ZNF331: variants seen among roughly 807,000 people sequenced by gnomAD.
ZNF331 encodes the protein zinc finger protein 331.
In ZNF331, 2 loss-of-function variants were observed where a neutral mutation model predicts 7.0. The observed-to-expected ratio is 0.29, with a 90% CI of 0.12 to 0.90. The LOEUF (loss-of-function observed/expected upper bound fraction) is 0.90, where lower values mean the gene tolerates loss of function less well. Among genes scored for constraint, ZNF331 ranks in the 40% least tolerant of loss-of-function variants. The pLI is 0.58. For synonymous variants in ZNF331, 196 were observed against 205.4 expected (o/e 0.95, Z 0.39); for missense variants, 432 against 587.7 (o/e 0.74, Z 2.74).
chr19:53,529,537 C>A (rs1387312852), intron 2 of ZNF331, among the ~76,000 whole-genome samples: 1 of 152,174 alleles, frequency 6.6e-6, no homozygotes, highest in African/African-American at 2.4e-5. Flanking sequence ...TAAACAGGAT[C>A]TCTCTCGCTG....
At chr19:53,522,784 C>T (rs1426175417) in intron 2 of ZNF331, 2 of 152,234 alleles carry the variant, frequency 1.3e-5, no homozygotes, top group African/African-American at 4.8e-5. Context: ...ATTTATCCCA[C>T]TAATTCCTCC....
chr19:53,577,902 T>G lies in ZNF331; in HGVS notation c.1342T>G (p.Cys448Gly), dbSNP rs772573398. 1 of 1,613,756 alleles carries G rather than the reference T, an allele frequency of 6.2e-7. No individual in the cohort carries two copies. The highest frequency in any genetic ancestry group is 8.5e-7 in the Non-Finnish European group (1 of 1,180,008). Reference sequence around the variant, plus strand: ...CGAATGTAAGGAGTGCGGGAAGGCATGTAACCACCTAAACCATCTCCGAGA... The same window carrying G: ...CGAATGTAAGGAGTGCGGGAAGGCAGGTAACCACCTAAACCATCTCCGAGA... ...SYECKECGKACNHLNHLREHQ... is the reference protein window; with the variant it reads ...SYECKECGKAGNHLNHLREHQ... The change falls in exon 6 of 6, where the codon TGT becomes GGT. Residue 448 changes from cysteine to glycine, a missense_variant. Around this residue, in one of 3 missense-constraint regions of ZNF331, gnomAD observed 312 missense variants for 448.6 expected, o/e 0.70. Transcript: ENST00000449416.
chr19:53,577,525 C>A lies in ZNF331; in HGVS notation c.965C>A (p.Thr322Asn). The change falls in exon 6 of 6, where the codon ACC becomes AAC. Residue 322 changes from threonine (T) to asparagine (N), a missense_variant. Around this residue, in one of 3 missense-constraint regions of ZNF331, gnomAD observed 312 missense variants for 448.6 expected, o/e 0.70. Coordinates refer to ENST00000449416, the MANE Select transcript of ZNF331 (RefSeq NM_001079906.2). ...CTTACTCAGCATCAGAAGATCCACA[C>A]CGGTGAGAAGCCTCACGAATGTAAG... ...NYLTQHQKIH[T>N]GEKPHECKEC... The A allele has an allele frequency of 6.2e-7, 1 of 1,612,850 alleles. No individual in the cohort carries two copies. The highest frequency in any genetic ancestry group is 8.5e-7 in the Non-Finnish European group (1 of 1,179,008).
At chr19:53,547,150 C>T (rs75112431) in intron 2 of ZNF331, among the ~76,000 whole-genome samples, 6,051 of 152,226 alleles carry the variant, frequency 0.04, 214 homozygotes, top group South Asian at 0.15. Context: ...CCATGCTAGA[C>T]AATAAATCTC....
At chr19:53,507,567 C>T in the ZNF331 span, among the ~76,000 whole-genome samples, 1 of 152,126 alleles carries the variant, frequency 6.6e-6, no homozygotes, top group Non-Finnish European at 1.5e-5. Flanking sequence ...CCAAATTTAC[C>T]ATGTAACCCC....
upstream of ZNF331, among the ~76,000 whole-genome samples, chr19:53,536,693 A>T (rs1033199557): frequency 2.6e-5 from 4 of 152,188 alleles, no homozygotes; most frequent in African/African-American, 4.8e-5. Flanking sequence ...TGAGGTCGGG[A>T]GTTCGAGTCC....
intron 3 of ZNF331, among the ~76,000 whole-genome samples, chr19:53,564,987 A>C (rs2090086488): frequency 6.6e-6 from 1 of 152,200 alleles, no homozygotes; most frequent in Non-Finnish European, 1.5e-5. Context: ...ATATACTACT[A>C]TAGCTATTTC....
chr19:53,561,647 G>A (rs2089892577), intron 3 of ZNF331, among the ~76,000 whole-genome samples: 1 of 152,174 alleles, frequency 6.6e-6, no homozygotes, highest in Non-Finnish European at 1.5e-5. Flanking sequence ...GAGGCCAGGA[G>A]TTTGAGACCA....
rs770491292 is a variant in ZNF331, at chr19:53,577,088, A to G, written c.528A>G (p.Gln176=). Reference sequence around the variant, plus strand: ...TCCGTTGGGGCAATCAGCTTACTCAACATCAAAAAATTCATACTGGGGAGA... The same window carrying G: ...TCCGTTGGGGCAATCAGCTTACTCAGCATCAAAAAATTCATACTGGGGAGA... ...KAFRWGNQLT[Q]HQKIHTGEKP... The change falls in exon 6 of 6, where the codon CAA becomes CAG. Residue 176 remains glutamine (Q), a synonymous_variant. Coordinates refer to ENST00000449416, the MANE Select transcript of ZNF331 (RefSeq NM_001079906.2). 3 of 1,614,216 alleles carry G rather than the reference A, an allele frequency of 1.9e-6. No individual in the cohort carries two copies. The highest frequency in any genetic ancestry group is 2.5e-6 in the Non-Finnish European group (3 of 1,180,036).
At chr19:53,507,651 G>A in the ZNF331 span, among the ~76,000 whole-genome samples, 6 of 152,132 alleles carry the variant, frequency 3.9e-5, no homozygotes, top group African/African-American at 1.4e-4. Flanking sequence ...GAGGCTGTTC[G>A]GGCTCAGTGC....
chr19:53,568,365 G>A (rs2090266078), intron 3 of ZNF331, among the ~76,000 whole-genome samples: 1 of 152,126 alleles, frequency 6.6e-6, no homozygotes, highest in African/African-American at 2.4e-5. Context: ...TGTGACAACA[G>A]GCACCAACTA....
chr19:53,525,073 G>A (rs960249824), intron 2 of ZNF331, among the ~76,000 whole-genome samples: 2 of 152,172 alleles, frequency 1.3e-5, no homozygotes, highest in Admixed American at 6.5e-5. Context: ...TCAGATGGTT[G>A]TAGATGTGTG....
intron 2 of ZNF331, among the ~76,000 whole-genome samples, chr19:53,542,569 C>G (rs4803144): frequency 0.089 from 13,496 of 152,132 alleles, 759 homozygotes; most frequent in African/African-American, 0.16. Flanking sequence ...CAGCCTCTTG[C>G]TAATGTTCTC....
At chr19:53,541,831 T>TC (rs1257808024) in intron 2 of ZNF331, among the ~76,000 whole-genome samples, 1 of 151,994 alleles carries the variant, frequency 6.6e-6, no homozygotes, top group African/African-American at 2.4e-5. Flanking sequence ...ACAGTGAGAC[T>TC]CCATCTCTAC....
rs2090437442 is a variant in ZNF331, at chr19:53,571,381, T to C, written c.10-223T>C. On this transcript the variant is annotated intron_variant, in intron 4 of 5. Transcript: ENST00000449416. The surrounding 1 kb of genome is among the most constrained non-coding windows in gnomAD (Gnocchi z 4.7). ...GGCAGGTTTGACTAACTGAGGATTC[T>C]GCACAGTAAAGTCATTTTCTCTGCA... 2.6e-5 allele frequency among the ~76,000 whole-genome samples: 4 copies of C among 152,204 alleles called. No homozygotes were observed. Among genetic ancestry groups the C allele is most frequent in the African/African-American group, 7.2e-5 (3 of 41,464 alleles).
intron 3 of ZNF331, among the ~76,000 whole-genome samples, chr19:53,568,517 C>A (rs973498435): frequency 6.6e-6 from 1 of 152,106 alleles, no homozygotes; most frequent in Non-Finnish European, 1.5e-5. Context: ...ACTGCGTGAC[C>A]AAAAGCTCCT....
At chr19:53,546,976 G>A (rs1245169891) in intron 2 of ZNF331, among the ~76,000 whole-genome samples, 3 of 152,064 alleles carry the variant, frequency 2.0e-5, no homozygotes, top group Non-Finnish European at 4.4e-5. Context: ...ATGGCAATTT[G>A]TGTATGTTTA....
intron 2 of ZNF331, among the ~76,000 whole-genome samples, chr19:53,523,106 A>G (rs1224478470): frequency 1.3e-5 from 2 of 151,362 alleles, no homozygotes; most frequent in Non-Finnish European, 2.9e-5. Context: ...ATATATATGT[A>G]TACATTATGA....
intron 2 of ZNF331, among the ~76,000 whole-genome samples, chr19:53,523,100 A>G (rs967373459): frequency 6.6e-6 from 1 of 152,082 alleles, no homozygotes; most frequent in Non-Finnish European, 1.5e-5. Context: ...GTTTTTATAT[A>G]TATGTATACA....
Sources: gnomAD v4.1 joint callset for allele counts (sites outside exome capture counted in the v4.1 genomes callset) on GRCh38, gnomAD v4.1.1 for gene constraint, gnomAD v4.1.1 regional missense constraint, Gnocchi (gnomAD v3.1) non-coding constraint, MANE v1.5 for transcripts, NCBI Gene and HGNC (gene_info 2026-07-23, HGNC 2026-07-21) for gene names.